The following DNER variants were observed in gnomAD, a reference collection of about 807,000 sequenced individuals.
DNER encodes the protein delta/notch like EGF repeat containing, also known as delta and Notch-like epidermal growth factor-related receptor.
DNER carries 33 observed loss-of-function variants against 78.2 expected under a neutral mutation model. The ratio of observed to expected loss-of-function variants is 0.42; its 90% CI spans 0.32 to 0.56. DNER has a LOEUF of 0.56. Ranked by LOEUF, DNER falls within the 20% of genes least tolerant of loss-of-function variation. The probability of loss-of-function intolerance (pLI) is 0.11; values close to 1 mark genes in which losing one functional copy is unlikely to be tolerated. For missense variants in DNER, 918 were observed against 975.3 expected (o/e 0.94, Z 0.78); for synonymous variants, 417 against 384.8 (o/e 1.08, Z -0.98).
intron 10 of DNER, among the ~76,000 whole-genome samples, chr2:229,394,394 C>A (rs1423916578): frequency 6.6e-6 from 1 of 152,220 alleles, no homozygotes; most frequent in Admixed American, 6.5e-5. Context: ...CTTCGTAAGT[C>A]CCTATTAAAC....
chr2:229,569,540 A>T (rs1861614), intron 4 of DNER, among the ~76,000 whole-genome samples: 1,960 of 152,034 alleles, frequency 0.013, 39 homozygotes, highest in Middle Eastern at 0.048. Context: ...TAAAAAAAAA[A>T]ATTTTTTAAG....
chr2:229,420,845 T>A (rs1187801387), intron 8 of DNER, among the ~76,000 whole-genome samples: 4 of 152,174 alleles, frequency 2.6e-5, no homozygotes, highest in South Asian at 4.1e-4. Flanking sequence ...ACAGCTGCTA[T>A]GAAAAACTAC....
intron 4 of DNER, among the ~76,000 whole-genome samples, chr2:229,578,946 C>G (rs1247279732): frequency 6.6e-6 from 1 of 152,198 alleles, no homozygotes; most frequent in Non-Finnish European, 1.5e-5. Context: ...ACATCTTGAG[C>G]ACCTACCTTT....
At chr2:229,522,957 G>A (rs1342642737) in intron 5 of DNER, among the ~76,000 whole-genome samples, 1 of 152,204 alleles carries the variant, frequency 6.6e-6, no homozygotes, top group African/African-American at 2.4e-5. Context: ...GCTTGCTCAA[G>A]GTCACACAGC....
chr2:229,411,568 T>G (rs1291770218), intron 9 of DNER, among the ~76,000 whole-genome samples: 1 of 151,582 alleles, frequency 6.6e-6, no homozygotes, highest in Non-Finnish European at 1.5e-5. Flanking sequence ...AAAAAAAAAG[T>G]AGGTACAATG....
intron 1 of DNER, among the ~76,000 whole-genome samples, chr2:229,655,666 T>A (rs1313925296): frequency 6.6e-6 from 1 of 152,162 alleles, no homozygotes; most frequent in Non-Finnish European, 1.5e-5. Context: ...GTCATGTCCA[T>A]GTCCTAACCC....
intron 1 of DNER, among the ~76,000 whole-genome samples, chr2:229,683,075 T>C (rs1699414811): frequency 6.6e-6 from 1 of 152,232 alleles, no homozygotes; most frequent in Non-Finnish European, 1.5e-5. Context: ...GTTTGACTTT[T>C]GCCACAGGTA....
rs141276024 is a variant in DNER at position 229,443,378 on chromosome 2, G to A, written c.1486+3938C>T. ...GGGGAAATGGCACCCCCACCCCAGC[G>A]AGTTCCACCTCATCCTGTTTGTAGC... On this transcript the variant is annotated intron_variant, in intron 8 of 12. Transcript: ENST00000341772. 1.8e-4 allele frequency among the ~76,000 whole-genome samples: 27 copies of A among 152,240 alleles called. No homozygotes were observed. The Middle Eastern group carries it at 0.014, about 77-fold the overall frequency.
At chr2:229,447,975 T>C (rs548557770) in intron 7 of DNER, among the ~76,000 whole-genome samples, 14 of 152,226 alleles carry the variant, frequency 9.2e-5, no homozygotes, top group Non-Finnish European at 2.1e-4. Flanking sequence ...CTTTAATAGA[T>C]ATGACATAAT....
chr2:229,669,963 T>A (rs1484586233), intron 1 of DNER, among the ~76,000 whole-genome samples: 1 of 152,150 alleles, frequency 6.6e-6, no homozygotes, highest in African/African-American at 2.4e-5. Flanking sequence ...AGCACACCAA[T>A]CCCTGTGCAA....
At chr2:229,672,285 G>A (rs561534776) in intron 1 of DNER, among the ~76,000 whole-genome samples, 1 of 152,162 alleles carries the variant, frequency 6.6e-6, no homozygotes, top group East Asian at 1.9e-4. Flanking sequence ...AAGACAGCCG[G>A]GCACTCAGCA....
At chr2:229,682,090 G>A (rs1376388210) in intron 1 of DNER, among the ~76,000 whole-genome samples, 1 of 152,112 alleles carries the variant, frequency 6.6e-6, no homozygotes, top group Non-Finnish European at 1.5e-5. Flanking sequence ...AGGCAGGAGA[G>A]AATTCCAACA....
At chr2:229,528,622 A>G (rs1370388179) in intron 5 of DNER, among the ~76,000 whole-genome samples, 2 of 152,092 alleles carry the variant, frequency 1.3e-5, no homozygotes, top group African/African-American at 4.8e-5. Flanking sequence ...GAAGCCTCCT[A>G]CTCTATCAGA....
intron 1 of DNER, among the ~76,000 whole-genome samples, chr2:229,684,004 G>A (rs75112464): frequency 0.011 from 1,656 of 152,268 alleles, 21 homozygotes; most frequent in Middle Eastern, 0.02. Flanking sequence ...GGCTGGTCTT[G>A]TGGGAGAGCT....
intron 4 of DNER, among the ~76,000 whole-genome samples, chr2:229,559,774 T>C (rs1167126477): frequency 6.6e-6 from 1 of 152,174 alleles, no homozygotes; most frequent in Non-Finnish European, 1.5e-5. Flanking sequence ...TATCCAGGGA[T>C]CTGTTAACAC....
chr2:229,689,856 T>G (rs1559210485), intron 1 of DNER, among the ~76,000 whole-genome samples: 1 of 152,196 alleles, frequency 6.6e-6, no homozygotes, highest in Non-Finnish European at 1.5e-5. Context: ...TGTGAGCTAT[T>G]ATAGAGTCTG....
chr2:229,548,554 G>T (rs1282429845), intron 4 of DNER, among the ~76,000 whole-genome samples: 2 of 152,044 alleles, frequency 1.3e-5, no homozygotes, highest in Non-Finnish European at 2.9e-5. Flanking sequence ...AGGACACATG[G>T]ACACAGGGAG....
At chr2:229,496,897 A>C (rs1421862315) in intron 6 of DNER, among the ~76,000 whole-genome samples, 1 of 152,174 alleles carries the variant, frequency 6.6e-6, no homozygotes, top group Non-Finnish European at 1.5e-5. Flanking sequence ...GAGACTATAC[A>C]GACAGAAAAT....
At chr2:229,551,318 A>C (rs1696731118) in intron 4 of DNER, among the ~76,000 whole-genome samples, 1 of 152,196 alleles carries the variant, frequency 6.6e-6, no homozygotes, top group South Asian at 2.1e-4. Flanking sequence ...CTAAAAATTT[A>C]ATAGGAAGTG....
Sources: allele counts gnomAD v4.1 joint callset (sites outside exome capture counted in the v4.1 genomes callset), GRCh38; gene constraint gnomAD v4.1.1; transcripts MANE v1.5; gene names NCBI Gene and HGNC (gene_info 2026-07-23, HGNC 2026-07-21).